The following PLCL1 variants were observed in gnomAD, a reference collection of about 807,000 sequenced individuals.
The protein encoded by PLCL1 is inactive phospholipase C-like protein 1.
A neutral mutation model predicts 84.4 loss-of-function variants in PLCL1; 41 were observed. The ratio of observed to expected loss-of-function variants is 0.49; its 90% CI spans 0.38 to 0.63. The LOEUF is 0.63. PLCL1 is among the 30% of genes least tolerant of loss of function. PLCL1 has a pLI of 0.00. For synonymous variants in PLCL1, 490 were observed against 488.3 expected, an observed-to-expected ratio of 1.00 and a Z score of -0.05; for missense variants, 1,206 against 1,367.8, an observed-to-expected ratio of 0.88 and a Z score of 1.87.
At chr2:197,954,464 A>C (rs1689448165) in intron 1 of PLCL1, among the ~76,000 whole-genome samples, 1 of 152,050 alleles carries the variant, frequency 6.6e-6, no homozygotes, top group African/African-American at 2.4e-5. Flanking sequence ...GTTTCCTTCA[A>C]AATGATCAGG....
intron 1 of PLCL1, among the ~76,000 whole-genome samples, chr2:198,007,828 T>C (rs1420112055): frequency 2.0e-5 from 3 of 152,104 alleles, no homozygotes; most frequent in Non-Finnish European, 4.4e-5. Context: ...ATAAAAGATA[T>C]AATGTTTATA....
chr2:197,900,238 C>A (rs1206036851), intron 1 of PLCL1, among the ~76,000 whole-genome samples: 1 of 152,138 alleles, frequency 6.6e-6, no homozygotes, highest in Admixed American at 6.5e-5. Context: ...TATTCACTAA[C>A]TGAATAAATA....
At chr2:198,094,992 A>G (rs6730643) in intron 3 of PLCL1, among the ~76,000 whole-genome samples, 9,072 of 152,170 alleles carry the variant, frequency 0.06, 625 homozygotes, top group African/African-American at 0.17. Context: ...GAGCACTATC[A>G]ATCAATAACT....
At chr2:197,853,618 C>T (rs1687279582) in intron 1 of PLCL1, among the ~76,000 whole-genome samples, 1 of 152,110 alleles carries the variant, frequency 6.6e-6, no homozygotes, top group African/African-American at 2.4e-5. Context: ...TAGTTTCTGC[C>T]TAAATCTTGC....
chr2:198,108,059 A>G (rs76019394), intron 5 of PLCL1, among the ~76,000 whole-genome samples: 2,316 of 151,972 alleles, frequency 0.015, 56 homozygotes, highest in African/African-American at 0.053. Flanking sequence ...ATCTTTTTCT[A>G]TACGATTCTT....
At chr2:198,111,430 G>T (rs1457528103) in intron 5 of PLCL1, among the ~76,000 whole-genome samples, 2 of 151,808 alleles carry the variant, frequency 1.3e-5, no homozygotes, top group East Asian at 3.9e-4. Context: ...ACCTTCTCAG[G>T]GAAGAGGAGC....
At chr2:198,047,000 C>T (rs952246985) in intron 1 of PLCL1, among the ~76,000 whole-genome samples, 3 of 151,998 alleles carry the variant, frequency 2.0e-5, no homozygotes, top group Non-Finnish European at 4.4e-5. Flanking sequence ...TTGATGTTTT[C>T]GTCTAGAAAT....
At chr2:197,921,414 T>A (rs1050184858) in intron 1 of PLCL1, among the ~76,000 whole-genome samples, 2 of 152,100 alleles carry the variant, frequency 1.3e-5, no homozygotes, top group African/African-American at 4.8e-5. Flanking sequence ...GGGTGAAAAA[T>A]TACTGGTTGT....
intron 1 of PLCL1, among the ~76,000 whole-genome samples, chr2:198,000,689 A>T (rs901371515): frequency 1.3e-5 from 2 of 151,690 alleles, no homozygotes; most frequent in South Asian, 4.2e-4. Flanking sequence ...GACTTATTCG[A>T]GGTGATAACA....
intron 1 of PLCL1, among the ~76,000 whole-genome samples, chr2:198,008,924 T>A (rs372052108): frequency 1.3e-5 from 2 of 152,048 alleles, no homozygotes; most frequent in African/African-American, 4.8e-5. Flanking sequence ...TATTTCATTG[T>A]GGTTTTTATT....
intron 1 of PLCL1, among the ~76,000 whole-genome samples, chr2:197,863,979 G>T (rs998452538): frequency 2.6e-5 from 4 of 152,152 alleles, no homozygotes; most frequent in Non-Finnish European, 5.9e-5. Flanking sequence ...CATTTGGAAA[G>T]TCCCAGTGCT....
At chr2:197,841,197 A>T (rs1040989004) in intron 1 of PLCL1, among the ~76,000 whole-genome samples, 4 of 152,022 alleles carry the variant, frequency 2.6e-5, no homozygotes. Context: ...ACCCATAGTT[A>T]TTTTTTATTT....
At chr2:197,973,755 C>A (rs1316533122) in intron 1 of PLCL1, among the ~76,000 whole-genome samples, 1 of 152,152 alleles carries the variant, frequency 6.6e-6, no homozygotes, top group East Asian at 1.9e-4. Flanking sequence ...GGGAGGTGGG[C>A]AGGCGTGAGG....
intron 1 of PLCL1, among the ~76,000 whole-genome samples, chr2:197,867,492 C>A (rs1334914094): frequency 6.6e-6 from 1 of 151,832 alleles, no homozygotes; most frequent in Non-Finnish European, 1.5e-5. Flanking sequence ...AAATTAGCAT[C>A]TGATGATTTA....
At chr2:197,907,546 T>C (rs1688409945) in intron 1 of PLCL1, among the ~76,000 whole-genome samples, 1 of 152,230 alleles carries the variant, frequency 6.6e-6, no homozygotes, top group Non-Finnish European at 1.5e-5. Flanking sequence ...TCCATTCAGA[T>C]ACCTTTACCT....
At chr2:198,138,399 C>A (rs1174066950) in intron 5 of PLCL1, among the ~76,000 whole-genome samples, 1 of 152,110 alleles carries the variant, frequency 6.6e-6, no homozygotes, top group East Asian at 1.9e-4. Context: ...AAATCTGCCC[C>A]TTTGATCCAT....
At chr2:197,864,860 C>A (rs989399530) in intron 1 of PLCL1, among the ~76,000 whole-genome samples, 1 of 152,128 alleles carries the variant, frequency 6.6e-6, no homozygotes, top group Admixed American at 6.5e-5. Flanking sequence ...GTTACAGAAG[C>A]GGTTAAGAAC....
chr2:197,936,869 C>T (rs563509227), intron 1 of PLCL1, among the ~76,000 whole-genome samples: 5 of 152,102 alleles, frequency 3.3e-5, no homozygotes, highest in African/African-American at 7.2e-5. Flanking sequence ...ACCAATGTCA[C>T]GTAGCTTTCC....
intron 1 of PLCL1, among the ~76,000 whole-genome samples, chr2:197,923,259 C>T (rs1354876442): frequency 7.6e-6 from 1 of 130,822 alleles, no homozygotes; most frequent in Non-Finnish European, 1.7e-5. Flanking sequence ...GGGGGGCTGA[C>T]CCCCCCCACC....
Sources: allele counts gnomAD v4.1 joint callset (sites outside exome capture counted in the v4.1 genomes callset), GRCh38; gene constraint gnomAD v4.1.1; transcripts MANE v1.5; gene names NCBI Gene and HGNC (gene_info 2026-07-23, HGNC 2026-07-21).